CUBN: variants seen among roughly 807,000 people sequenced by gnomAD.
CUBN encodes 460 kDa receptor.
CUBN carries 282 observed loss-of-function variants against 405.3 expected under a neutral mutation model. The observed-to-expected ratio is 0.70, with a 90% CI of 0.63 to 0.77. CUBN has a LOEUF of 0.77. Among genes scored for constraint, CUBN ranks in the 30% least tolerant of loss-of-function variants. The probability of loss-of-function intolerance (pLI) is 0.00; values close to 1 mark genes in which losing one functional copy is unlikely to be tolerated. For missense variants in CUBN, 4,514 were observed against 4,475.2 expected (o/e 1.01, Z -0.25); for synonymous variants, 1,684 against 1,617.0 (o/e 1.04, Z -0.99).
At chr10:16,969,846 C>G (rs1339596682) in intron 31 of CUBN, among the ~76,000 whole-genome samples, 1 of 152,104 alleles carries the variant, frequency 6.6e-6, no homozygotes, top group African/African-American at 2.4e-5. Context: ...TCTTGTAACC[C>G]AGAGATCATG....
Position 16,923,666 on chromosome 10 carries a change from G to T in CUBN, c.6646+1575C>A, listed in dbSNP as rs1240653733. 2.0e-5 allele frequency among the ~76,000 whole-genome samples: 3 copies of T among 152,204 alleles called. No homozygotes were observed. In the East Asian group the frequency reaches 5.8e-4, roughly 29 times the overall value. On this transcript the variant is annotated intron_variant, in intron 43 of 66. Transcript: ENST00000377833. Reference sequence around the variant, plus strand: ...GTAATGGCCATAACCATACTTGCATGAACAGTGAATCCACAAAGGAATAGA... The same window carrying T: ...GTAATGGCCATAACCATACTTGCATTAACAGTGAATCCACAAAGGAATAGA...
chr10:16,878,660 A>G (rs1471786409), intron 56 of CUBN, among the ~76,000 whole-genome samples: 1 of 152,078 alleles, frequency 6.6e-6, no homozygotes, highest in Non-Finnish European at 1.5e-5. Context: ...CCAATTCTAC[A>G]TTTTCATTGC....
intron 48 of CUBN, among the ~76,000 whole-genome samples, chr10:16,910,170 T>C (rs190754301): frequency 2.0e-5 from 3 of 151,912 alleles, no homozygotes; most frequent in African/African-American, 7.2e-5. Context: ...CTTATTGTTC[T>C]TCTTTTTTTC....
intron 31 of CUBN, among the ~76,000 whole-genome samples, chr10:16,966,658 A>G (rs1347832998): frequency 6.6e-6 from 1 of 152,148 alleles, no homozygotes; most frequent in Non-Finnish European, 1.5e-5. Flanking sequence ...CATGTTGGCC[A>G]GGCTGGTCTT....
At chr10:16,870,056 C>T (rs1438466641) in intron 58 of CUBN, among the ~76,000 whole-genome samples, 1 of 152,100 alleles carries the variant, frequency 6.6e-6, no homozygotes, top group East Asian at 1.9e-4. Context: ...AATTACAATA[C>T]AACAAAAACT....
intron 59 of CUBN, among the ~76,000 whole-genome samples, chr10:16,856,938 G>A (rs540356445): frequency 2.6e-5 from 4 of 152,176 alleles, no homozygotes; most frequent in African/African-American, 9.7e-5. Context: ...ACCACCCAGG[G>A]ATGCAGGGCT....
chr10:17,045,569 AT>A (rs764737167), intron 24 of CUBN, among the ~76,000 whole-genome samples: 2 of 151,778 alleles, frequency 1.3e-5, no homozygotes, highest in African/African-American at 2.4e-5. Context: ...AGTAGAGACT[AT>A]GTTTAGTAGA....
intron 13 of CUBN, among the ~76,000 whole-genome samples, chr10:17,101,400 G>C (rs1836490288): frequency 6.6e-6 from 1 of 152,044 alleles, no homozygotes; most frequent in Non-Finnish European, 1.5e-5. Flanking sequence ...AAACTAAATG[G>C]AAGGAAGGAA....
Position 17,078,137 on chromosome 10 carries a change from A to G in CUBN, c.2301+6134T>C, listed in dbSNP as rs568870767. On this transcript the variant is annotated intron_variant, in intron 17 of 66. Coordinates refer to ENST00000377833, the MANE Select transcript of CUBN (RefSeq NM_001081.4). ...CTTTAGTGAGCATTCATTGTGTGAC[A>G]GGCACAATGTGACAAGGAACATTCT... Among the ~76,000 whole-genome samples the G allele has an allele frequency of 7.4e-4, 113 of 152,234 alleles. 1 individual carries two copies. The highest frequency in any genetic ancestry group is 1.4e-3 in the Non-Finnish European group (93 of 68,010).
intron 6 of CUBN, among the ~76,000 whole-genome samples, chr10:17,120,066 T>C (rs1221904974): frequency 6.6e-6 from 1 of 152,208 alleles, no homozygotes; most frequent in Admixed American, 6.5e-5. Flanking sequence ...CATGACTACA[T>C]TTTTGCAGGT....
At chr10:17,105,029 C>G (rs1836591274) in intron 11 of CUBN, among the ~76,000 whole-genome samples, 1 of 151,712 alleles carries the variant, frequency 6.6e-6, no homozygotes, top group Admixed American at 6.6e-5. Flanking sequence ...GTCTTGATCT[C>G]CTGGCTCGTG....
At chr10:17,084,614 A>G (rs1836061499) in intron 16 of CUBN, among the ~76,000 whole-genome samples, 153 bp from the exon 17 acceptor site, 1 of 152,196 alleles carries the variant, frequency 6.6e-6, no homozygotes, top group East Asian at 1.9e-4. Context: ...CTCTAATTTT[A>G]AGATTTTCAG....
chr10:16,878,888 T>C (rs1840589913), intron 56 of CUBN, among the ~76,000 whole-genome samples: 1 of 152,250 alleles, frequency 6.6e-6, no homozygotes, highest in African/African-American at 2.4e-5. Flanking sequence ...GTAGCATGTG[T>C]CAGTATGTCA....
At chr10:17,038,524 T>C (rs955232094) in intron 27 of CUBN, among the ~76,000 whole-genome samples, 15 of 152,208 alleles carry the variant, frequency 9.9e-5, no homozygotes, top group African/African-American at 3.6e-4. Context: ...GGCGGGATAG[T>C]GTCTGACCAG....
chr10:17,115,186 G>A (rs1236924281), intron 7 of CUBN, among the ~76,000 whole-genome samples: 1 of 150,280 alleles, frequency 6.7e-6, no homozygotes, highest in Non-Finnish European at 1.5e-5. Flanking sequence ...GAAGGTTGCA[G>A]TGAGCTGAGA....
chr10:16,944,094 C>G (rs1398117154), intron 36 of CUBN, among the ~76,000 whole-genome samples: 4 of 152,186 alleles, frequency 2.6e-5, no homozygotes, highest in African/African-American at 9.7e-5. Context: ...TGAGACCTAT[C>G]ACTTTCTAAA....
chr10:16,986,046 G>A (rs1285627498), intron 29 of CUBN, among the ~76,000 whole-genome samples: 9 of 152,194 alleles, frequency 5.9e-5, no homozygotes, highest in East Asian at 1.9e-4. Flanking sequence ...GGAGGGTGGC[G>A]AAGGCAGGAT....
At chr10:16,917,841 G>T (rs1463710139) in intron 45 of CUBN, among the ~76,000 whole-genome samples, 1 of 151,892 alleles carries the variant, frequency 6.6e-6, no homozygotes, top group Non-Finnish European at 1.5e-5. Flanking sequence ...AAAAGTCATG[G>T]TTTTTAAAAA....
At chr10:16,905,734 G>A (rs1279155421) in intron 50 of CUBN, among the ~76,000 whole-genome samples, 1 of 152,104 alleles carries the variant, frequency 6.6e-6, no homozygotes, top group East Asian at 1.9e-4. Flanking sequence ...CAGAATTATG[G>A]CTTCGAACAG....
Sources: allele counts gnomAD v4.1 joint callset (sites outside exome capture counted in the v4.1 genomes callset), GRCh38; gene constraint gnomAD v4.1.1; transcripts MANE v1.5; gene names NCBI Gene and HGNC (gene_info 2026-07-23, HGNC 2026-07-21).